PTPRM: variants seen among roughly 807,000 people sequenced by gnomAD.
PTPRM encodes protein tyrosine phosphatase receptor type M.
In PTPRM, 47 loss-of-function variants were observed where a neutral mutation model predicts 186.7. The ratio of observed to expected loss-of-function variants is 0.25; its 90% CI spans 0.20 to 0.32. PTPRM has a LOEUF of 0.32. PTPRM is among the 10% of genes least tolerant of loss of function. The probability of loss-of-function intolerance (pLI) is 1.00; values close to 1 mark genes in which losing one functional copy is unlikely to be tolerated. For synonymous variants in PTPRM, 668 were observed against 674.9 expected, an observed-to-expected ratio of 0.99 and a Z score of 0.16; for missense variants, 1,494 against 1,865.0, an observed-to-expected ratio of 0.80 and a Z score of 3.66.
chr18:7,980,965 G>A (rs1324842191), intron 7 of PTPRM, among the ~76,000 whole-genome samples: 1 of 152,170 alleles, frequency 6.6e-6, no homozygotes, highest in Non-Finnish European at 1.5e-5. Flanking sequence ...GAAATGAGTG[G>A]TTGGCGCACA....
At chr18:7,800,223 A>G (rs186133596) in intron 2 of PTPRM, among the ~76,000 whole-genome samples, 2 of 152,320 alleles carry the variant, frequency 1.3e-5, no homozygotes, top group East Asian at 3.9e-4. Context: ...CACTAAATCT[A>G]TTACAGCGCT....
At chr18:8,252,203 C>T (rs2094534024) in intron 17 of PTPRM, among the ~76,000 whole-genome samples, 1 of 152,164 alleles carries the variant, frequency 6.6e-6, no homozygotes, top group Admixed American at 6.5e-5. Context: ...GTGTTGAATA[C>T]AAATAAGACT....
intron 22 of PTPRM, among the ~76,000 whole-genome samples, chr18:8,323,211 G>A (rs1328547314): frequency 6.6e-6 from 1 of 152,144 alleles, no homozygotes; most frequent in East Asian, 1.9e-4. Flanking sequence ...TGAAGAAAGT[G>A]CTGTGAGTGT....
At chr18:8,091,607 A>G (rs1172022577) in intron 11 of PTPRM, among the ~76,000 whole-genome samples, 2 of 143,480 alleles carry the variant, frequency 1.4e-5, no homozygotes, top group African/African-American at 5.2e-5. Context: ...TTTTTTTTGC[A>G]GAAAAGTGAA....
At chr18:8,196,962 T>C (rs2093787145) in intron 14 of PTPRM, among the ~76,000 whole-genome samples, 1 of 152,230 alleles carries the variant, frequency 6.6e-6, no homozygotes, top group Non-Finnish European at 1.5e-5. Flanking sequence ...TGAAGGATGC[T>C]AAGTTTTGAC....
intron 6 of PTPRM, among the ~76,000 whole-genome samples, chr18:7,953,732 C>G (rs1442458611): frequency 6.6e-6 from 1 of 152,132 alleles, no homozygotes; most frequent in Admixed American, 6.5e-5. Context: ...TACCCGGTAT[C>G]AGCTCAGGTG....
intron 4 of PTPRM, among the ~76,000 whole-genome samples, chr18:7,926,014 T>C (rs181176670): frequency 2.7e-4 from 41 of 152,356 alleles, no homozygotes; most frequent in Non-Finnish European, 4.3e-4. Context: ...AGTCTCAGCA[T>C]CATTTCACAG....
chr18:8,167,524 A>T (rs1449868605), intron 14 of PTPRM, among the ~76,000 whole-genome samples: 1 of 152,170 alleles, frequency 6.6e-6, no homozygotes, highest in Non-Finnish European at 1.5e-5. Context: ...CACTTGTTAG[A>T]TTCTGAGAGA....
chr18:7,732,742 TG>T (rs2040687886), intron 1 of PTPRM, among the ~76,000 whole-genome samples: 1 of 152,102 alleles, frequency 6.6e-6, no homozygotes, highest in South Asian at 2.1e-4. Context: ...TGGTCTCAAG[TG>T]GTCCTCCCAC....
intron 2 of PTPRM, among the ~76,000 whole-genome samples, chr18:7,782,363 G>A (rs2042898141): frequency 6.6e-6 from 1 of 151,674 alleles, no homozygotes. Context: ...AAGAAGGAAG[G>A]AAGGATGGAT....
intron 1 of PTPRM, among the ~76,000 whole-genome samples, chr18:7,609,740 G>T (rs150841545): frequency 1.3e-5 from 2 of 152,104 alleles, no homozygotes; most frequent in Non-Finnish European, 2.9e-5. Context: ...GCTCTTGAGT[G>T]TCTGATTACT....
At chr18:8,330,595 G>A (rs1027501809) in intron 22 of PTPRM, among the ~76,000 whole-genome samples, 8 of 151,882 alleles carry the variant, frequency 5.3e-5, no homozygotes, top group African/African-American at 1.9e-4. Flanking sequence ...TTACTTCCTT[G>A]ACAGAAGGCA....
At chr18:8,027,333 TAGTG>T (rs1194794711) in intron 7 of PTPRM, among the ~76,000 whole-genome samples, 2 of 152,326 alleles carry the variant, frequency 1.3e-5, no homozygotes, top group East Asian at 1.9e-4. Flanking sequence ...AATTTTTACT[TAGTG>T]AGATGGCCTG....
intron 1 of PTPRM, among the ~76,000 whole-genome samples, chr18:7,658,918 T>C (rs2038916154): frequency 6.6e-6 from 1 of 152,152 alleles, no homozygotes; most frequent in South Asian, 2.1e-4. Flanking sequence ...TTGATGAGAT[T>C]TCCAACCTTT....
At chr18:8,005,590 C>T (rs888700669) in intron 7 of PTPRM, among the ~76,000 whole-genome samples, 3 of 152,136 alleles carry the variant, frequency 2.0e-5, no homozygotes, top group African/African-American at 7.2e-5. Flanking sequence ...GAGTGAATAG[C>T]AGGGCCCAGA....
At chr18:7,830,650 T>C (rs2045713535) in intron 2 of PTPRM, among the ~76,000 whole-genome samples, 2 of 152,124 alleles carry the variant, frequency 1.3e-5, no homozygotes, top group Admixed American at 6.5e-5. Context: ...ATGTCATAGT[T>C]GCTAGGAGGA....
chr18:7,668,632 C>T lies in PTPRM; in HGVS notation c.73+100741C>T, dbSNP rs2039149984. ...TCTGTGACCTTCTGTCTCTCTGCCC[C>T]TCATGCAGCTGCCTCCTGCCAGTGG... is the stretch of plus-strand genomic sequence containing the variant. On this transcript the variant is annotated intron_variant, in intron 1 of 32. Coordinates refer to ENST00000580170, the MANE Select transcript of PTPRM (RefSeq NM_001105244.2). This position sits in a 1 kb window ranked among gnomAD's most constrained non-coding sequence, Gnocchi z 4.7. Among the ~76,000 whole-genome samples the T allele has an allele frequency of 6.6e-6, 1 of 152,110 alleles. No homozygotes were observed. Among genetic ancestry groups the T allele is most frequent in the South Asian group, 2.1e-4 (1 of 4,828 alleles).
intron 1 of PTPRM, among the ~76,000 whole-genome samples, chr18:7,700,919 G>C (rs1407983133): frequency 6.9e-6 from 1 of 143,996 alleles, no homozygotes; most frequent in Non-Finnish European, 1.5e-5. Flanking sequence ...GGAGGTTGCA[G>C]TGAGCTGAGA....
At chr18:7,640,472 G>A (rs939602330) in intron 1 of PTPRM, among the ~76,000 whole-genome samples, 4 of 152,114 alleles carry the variant, frequency 2.6e-5, no homozygotes. Flanking sequence ...AGAGTCCCCA[G>A]TTGAAACTAG....
Sources: allele counts gnomAD v4.1 joint callset (sites outside exome capture counted in the v4.1 genomes callset), GRCh38; gene constraint gnomAD v4.1.1; non-coding constraint Gnocchi (gnomAD v3.1); transcripts MANE v1.5; gene names NCBI Gene and HGNC (gene_info 2026-07-23, HGNC 2026-07-21).